The following PRNP variants were observed in gnomAD, a reference collection of about 807,000 sequenced individuals.
The protein encoded by PRNP is major prion protein.
PRNP carries 15 observed loss-of-function variants against 21.3 expected under a neutral mutation model. That is an observed-to-expected ratio of 0.71 (90% CI 0.47 to 1.09). The LOEUF (loss-of-function observed/expected upper bound fraction) is 1.09. Ranked by LOEUF, PRNP falls within the 50% of genes least tolerant of loss-of-function variation. The pLI is 0.00. For missense variants in PRNP, 285 were observed against 340.9 expected, an observed-to-expected ratio of 0.84 and a Z score of 1.29; for synonymous variants, 121 against 123.1, an observed-to-expected ratio of 0.98 and a Z score of 0.11.
chr20:4,693,963 G>A (rs984547726), intron 1 of PRNP, among the ~76,000 whole-genome samples: 13 of 150,062 alleles, frequency 8.7e-5, no homozygotes, highest in African/African-American at 1.7e-4. Context: ...AAAACCAGGC[G>A]TGGTGTTGCA....
In PRNP at chr20:4,699,371, C is replaced by T. The variant is rs760774153; in HGVS notation, c.151C>T (p.Pro51Ser). 8 of 1,613,440 alleles carry T rather than the reference C, an allele frequency of 5.0e-6. No homozygotes were observed. The highest frequency in any genetic ancestry group is 1.3e-5 in the African/African-American group (1 of 74,794). The change falls in exon 2 of 2, where the codon CCT (proline) becomes TCT (serine). Residue 51 changes from proline (P) to serine (S), a missense_variant. Transcript: ENST00000379440. This position sits in a 1 kb window ranked among gnomAD's most constrained non-coding sequence, Gnocchi z 5.8. Reference protein sequence around the residue: ...QGSPGGNRYPPQGGGGWGQPH... With the variant: ...QGSPGGNRYPSQGGGGWGQPH... Reference sequence around the variant, plus strand: ...CAGCCCTGGAGGCAACCGCTACCCACCTCAGGGCGGTGGTGGCTGGGGGCA... The same window carrying T: ...CAGCCCTGGAGGCAACCGCTACCCATCTCAGGGCGGTGGTGGCTGGGGGCA...
chr20:4,691,880 A>T (rs1161758228), intron 1 of PRNP, among the ~76,000 whole-genome samples: 2 of 152,176 alleles, frequency 1.3e-5, no homozygotes, highest in East Asian at 1.9e-4. Flanking sequence ...CTAACATATG[A>T]TCTGTCTTGG....
chr20:4,701,452 C>T lies in PRNP; in HGVS notation c.*1470C>T, dbSNP rs968594396. 6.0e-6 allele frequency: 1 copy of T among 167,012 alleles called. No homozygotes were observed. The highest frequency in any genetic ancestry group is 2.4e-5 in the African/African-American group (1 of 41,416). 10.3% of individuals were successfully genotyped at this position (167,012 alleles called of 1,614,324 possible). ...TTCATGTAAGAATCCAAAGTGGACACCATTAACAGGTCTTTGAAATATGCA... is the reference window on the plus strand; with the variant it reads ...TTCATGTAAGAATCCAAAGTGGACATCATTAACAGGTCTTTGAAATATGCA... On this transcript the variant is annotated 3_prime_UTR_variant, in exon 2 of 2. Transcript: ENST00000379440. The surrounding 1 kb of genome is among the most constrained non-coding windows in gnomAD (Gnocchi z 4.2).
chr20:4,689,361 G>A (rs1921677600), intron 1 of PRNP, among the ~76,000 whole-genome samples: 1 of 152,224 alleles, frequency 6.6e-6, no homozygotes, highest in Non-Finnish European at 1.5e-5. Flanking sequence ...GGGTGCATCT[G>A]TGTGACTGAC....
chr20:4,689,009 G>C lies in PRNP; in HGVS notation c.-11+2497G>C, dbSNP rs372643819. ...GAATAAAAGATTTTTAGCCAACGTTGTTTCCTTTTTCAAATATTTTTCCAT... is the reference window on the plus strand; with the variant it reads ...GAATAAAAGATTTTTAGCCAACGTTCTTTCCTTTTTCAAATATTTTTCCAT... On this transcript the variant is annotated intron_variant, in intron 1 of 1. Transcript: ENST00000379440. Among the ~76,000 whole-genome samples, 4 of 152,174 alleles carry C rather than the reference G, an allele frequency of 2.6e-5. No individual in the cohort carries two copies. In the East Asian group the frequency reaches 5.8e-4, roughly 22 times the overall value.
chr20:4,695,771 C>T (rs909881342), intron 1 of PRNP, among the ~76,000 whole-genome samples: 1 of 152,178 alleles, frequency 6.6e-6, no homozygotes. Context: ...AGACATTTCC[C>T]AATATTTTCC....
At chr20:4,696,285 C>T (rs1478423536) in intron 1 of PRNP, among the ~76,000 whole-genome samples, 1 of 152,150 alleles carries the variant, frequency 6.6e-6, no homozygotes. Flanking sequence ...TGGAATGCCT[C>T]TCCATTTTTT....
At chr20:4,694,636 TATTA>T (rs1202470306) in intron 1 of PRNP, among the ~76,000 whole-genome samples, 1 of 152,188 alleles carries the variant, frequency 6.6e-6, no homozygotes, top group Non-Finnish European at 1.5e-5. Flanking sequence ...GGGTTTTATT[TATTA>T]AATTCGATTT....
chr20:4,696,885 G>T (rs138713480), intron 1 of PRNP, among the ~76,000 whole-genome samples: 107 of 152,220 alleles, frequency 7.0e-4, no homozygotes, highest in Middle Eastern at 3.4e-3. Flanking sequence ...TTCTGTGCCT[G>T]GTTCTTCTCC....
intron 1 of PRNP, among the ~76,000 whole-genome samples, chr20:4,696,456 G>T (rs540670773): frequency 6.6e-6 from 1 of 152,268 alleles, no homozygotes; most frequent in African/African-American, 2.4e-5. Flanking sequence ...GTTGGTTTTC[G>T]TAGGCTGACC....
At chr20:4,690,423 C>T (rs929627480) in intron 1 of PRNP, among the ~76,000 whole-genome samples, 1 of 152,134 alleles carries the variant, frequency 6.6e-6, no homozygotes, top group African/African-American at 2.4e-5. Context: ...ACTCTCACTC[C>T]CCATCTATAA....
Position 4,700,127 on chromosome 20 carries a change from T to G in PRNP, c.*145T>G. On this transcript the variant is annotated 3_prime_UTR_variant, in exon 2 of 2. Coordinates refer to ENST00000379440, the MANE Select transcript of PRNP (RefSeq NM_000311.5). The surrounding 1 kb of genome is among the most constrained non-coding windows in gnomAD (Gnocchi z 4.1). ...GGCTAATCAATACCCTTGGCACTGA[T>G]GGGCACTGGAAAACATAGAGTAGAC... 1 of 1,549,164 alleles carries G rather than the reference T, an allele frequency of 6.5e-7. No individual in the cohort carries two copies. The highest frequency in any genetic ancestry group is 8.7e-7 in the Non-Finnish European group (1 of 1,146,452).
chr20:4,687,480 G>A (rs1299081295), intron 1 of PRNP, among the ~76,000 whole-genome samples: 3 of 152,222 alleles, frequency 2.0e-5, no homozygotes, highest in Non-Finnish European at 4.4e-5. Context: ...CCCCACCTGT[G>A]CGGCAGGCGC....
At chr20:4,690,789 T>G (rs929864702) in intron 1 of PRNP, among the ~76,000 whole-genome samples, 19 of 152,202 alleles carry the variant, frequency 1.2e-4, no homozygotes, top group African/African-American at 4.3e-4. Flanking sequence ...ACTAGTTCTA[T>G]TCAACATATG....
chr20:4,693,215 C>T (rs911730094), intron 1 of PRNP, among the ~76,000 whole-genome samples: 2 of 152,198 alleles, frequency 1.3e-5, no homozygotes, highest in Non-Finnish European at 2.9e-5. Context: ...AAATATGTCT[C>T]ATTTATTCAC....
At chr20:4,696,787 G>C (rs1922197682) in intron 1 of PRNP, among the ~76,000 whole-genome samples, 6 of 152,222 alleles carry the variant, frequency 3.9e-5, no homozygotes, top group African/African-American at 1.4e-4. Flanking sequence ...TGGTGACAGA[G>C]AGTATCTTAG....
chr20:4,696,760 C>T (rs1922196416), intron 1 of PRNP, among the ~76,000 whole-genome samples: 1 of 152,186 alleles, frequency 6.6e-6, no homozygotes, highest in African/African-American at 2.4e-5. Context: ...TGCCAGAGGA[C>T]TAGGCCACTA....
intron 1 of PRNP, among the ~76,000 whole-genome samples, chr20:4,698,586 T>A (rs1271006106): frequency 3.9e-5 from 6 of 152,096 alleles, no homozygotes; most frequent in African/African-American, 7.2e-5. Context: ...ATTGTTTTTT[T>A]AAAAAATAAA....
At chr20:4,692,938 C>T (rs766720056) in intron 1 of PRNP, among the ~76,000 whole-genome samples, 2 of 152,106 alleles carry the variant, frequency 1.3e-5, no homozygotes, top group African/African-American at 4.8e-5. Context: ...CAGGTGAAGA[C>T]GCCCAAATGT....
Sources: gnomAD v4.1 joint callset for allele counts (sites outside exome capture counted in the v4.1 genomes callset) on GRCh38, gnomAD v4.1.1 for gene constraint, Gnocchi (gnomAD v3.1) non-coding constraint, MANE v1.5 for transcripts, NCBI Gene and HGNC (gene_info 2026-07-23, HGNC 2026-07-21) for gene names.